The following CFAP97 variants were observed in gnomAD, a reference collection of about 807,000 sequenced individuals.
CFAP97 encodes cilia- and flagella-associated protein 97.
Under a neutral mutation model 43.1 loss-of-function variants are expected in CFAP97, and 36 were observed. The ratio of observed to expected loss-of-function variants is 0.84; its 90% CI spans 0.64 to 1.10. The LOEUF (loss-of-function observed/expected upper bound fraction) is 1.10. Among genes scored for constraint, CFAP97 ranks in the 50% least tolerant of loss-of-function variants. CFAP97 has a pLI of 0.00. For synonymous variants in CFAP97, 228 were observed against 225.7 expected (o/e 1.01, Z -0.09); for missense variants, 657 against 620.3 (o/e 1.06, Z -0.63).
upstream of CFAP97, chr4:185,204,041 T>C (rs1467289331): frequency 6.6e-6 from 1 of 150,478 alleles, no homozygotes; most frequent in African/African-American, 2.4e-5. Flanking sequence ...GCCCGGCGCT[T>C]CGGGAGAGGC....
At chr4:185,169,613 A>G in intron 3 of CFAP97, 2 of 981,348 alleles carry the variant, frequency 2.0e-6, no homozygotes, top group Non-Finnish European at 2.4e-6. Flanking sequence ...TTCTCTTTGG[A>G]AAAAAAATTA....
chr4:185,202,085 G>C (rs562899646), intron 1 of CFAP97, among the ~76,000 whole-genome samples: 2 of 152,036 alleles, frequency 1.3e-5, no homozygotes, highest in Non-Finnish European at 2.9e-5. Flanking sequence ...GGAGCTCCTC[G>C]TCACTTCCTC....
chr4:185,192,460 G>T (rs1012209196), intron 1 of CFAP97, among the ~76,000 whole-genome samples: 1 of 151,954 alleles, frequency 6.6e-6, no homozygotes, highest in South Asian at 2.1e-4. Flanking sequence ...ACTGATTTTT[G>T]TTTTTTTCCC....
chr4:185,192,046 A>G (rs1736282775), intron 1 of CFAP97, among the ~76,000 whole-genome samples: 1 of 152,208 alleles, frequency 6.6e-6, no homozygotes, highest in African/African-American at 2.4e-5. Flanking sequence ...TGCAGTGAGG[A>G]TTGACTGACA....
intron 2 of CFAP97, among the ~76,000 whole-genome samples, chr4:185,180,440 T>C (rs985748413): frequency 6.6e-6 from 1 of 152,162 alleles, no homozygotes; most frequent in African/African-American, 2.4e-5. Flanking sequence ...TCCCTTCCCT[T>C]CGCCTCTGGA....
At chr4:185,210,153 C>A, upstream of CFAP97, 1 of 984,100 alleles carries the variant, frequency 1.0e-6, no homozygotes, top group Non-Finnish European at 1.2e-6. The surrounding 1 kb of genome is among the most constrained non-coding windows in gnomAD (Gnocchi z 4.4). Flanking sequence ...TGCTGGGGAT[C>A]CTGTTTGCCC....
At chr4:185,196,765 T>C (rs1736563367) in intron 1 of CFAP97, among the ~76,000 whole-genome samples, 1 of 152,150 alleles carries the variant, frequency 6.6e-6, no homozygotes, top group Non-Finnish European at 1.5e-5. Context: ...TGCTAATAGA[T>C]TAAGGCCTCA....
At position 185,182,961 on chromosome 4, in the gene CFAP97, G is replaced by A. The variant is rs546005760; in HGVS notation, c.1055-6910C>T. ...CTAAAAATACAAAAATTAGCTGGGC[G>A]TGGTGGTGCCCGCCTGTAATCCCAG... On this transcript the variant is annotated intron_variant, in intron 2 of 4. Transcript: ENST00000458385. Among the ~76,000 whole-genome samples, 11 of 152,098 alleles carry A rather than the reference G, an allele frequency of 7.2e-5. No individual in the cohort carries two copies. The South Asian group carries it at 2.1e-3, about 29-fold the overall frequency.
chr4:185,173,277 C>T (rs887281662), intron 3 of CFAP97, among the ~76,000 whole-genome samples: 8 of 150,720 alleles, frequency 5.3e-5, no homozygotes, highest in African/African-American at 2.0e-4. Flanking sequence ...GCAGGAGAAT[C>T]GCTTGAACCT....
chr4:185,181,087 G>A (rs994587472), intron 2 of CFAP97, among the ~76,000 whole-genome samples: 1 of 151,590 alleles, frequency 6.6e-6, no homozygotes, highest in South Asian at 2.1e-4. Flanking sequence ...TGTCTCTGCA[G>A]ACTTTTGTCT....
intron 1 of CFAP97, among the ~76,000 whole-genome samples, chr4:185,193,655 A>G (rs1048385396): frequency 6.6e-6 from 1 of 152,224 alleles, no homozygotes; most frequent in Non-Finnish European, 1.5e-5. Context: ...TCTTAAAAAC[A>G]AAACAAAAAT....
chr4:185,168,210 A>G (rs761056368), intron 3 of CFAP97, among the ~76,000 whole-genome samples: 4 of 152,180 alleles, frequency 2.6e-5, no homozygotes, highest in East Asian at 1.9e-4. Context: ...TTAAAAAACA[A>G]TAAGAATGGT....
intron 2 of CFAP97, among the ~76,000 whole-genome samples, chr4:185,189,366 CTAGT>C (rs553116354): frequency 3.2e-4 from 48 of 152,316 alleles, no homozygotes; most frequent in South Asian, 1.2e-3. Flanking sequence ...TGCAATTTAT[CTAGT>C]TAAAGACTAA....
intron 2 of CFAP97, among the ~76,000 whole-genome samples, chr4:185,182,818 G>A (rs544237290): frequency 2.6e-5 from 4 of 152,204 alleles, no homozygotes; most frequent in South Asian, 2.1e-4. Flanking sequence ...ACAACAAACG[G>A]GCTGGGCGTG....
At position 185,191,143 on chromosome 4, in the gene CFAP97, G is replaced by A. The variant is rs1340337546; in HGVS notation, c.54C>T (p.Asp18=). 6.2e-7 allele frequency: 1 copy of A among 1,606,048 alleles called. No individual in the cohort carries two copies. The highest frequency in any genetic ancestry group is 1.3e-5 in the African/African-American group (1 of 74,504). ...ATTTCTTTCCTTCTTCAAAGTCACTGTCAAAGAAAGAATGGTCCACTTCAC... is the reference window on the plus strand; with the variant it reads ...ATTTCTTTCCTTCTTCAAAGTCACTATCAAAGAAAGAATGGTCCACTTCAC... ...LEGEVDHSFF[D]SDFEEGKKCE... The change falls in exon 2 of 5, where the codon GAC becomes GAT. Residue 18 remains aspartate, a synonymous_variant. Transcript: ENST00000458385.
At chr4:185,202,394 C>G (rs1736890238) in intron 1 of CFAP97, among the ~76,000 whole-genome samples, 1 of 152,066 alleles carries the variant, frequency 6.6e-6, no homozygotes, top group African/African-American at 2.4e-5. Flanking sequence ...ACAAAAAATA[C>G]AAAAATTAGC....
rs570875147 is a variant in CFAP97 at position 185,191,560 on chromosome 4, G to A, written c.-16-348C>T. On this transcript the variant is annotated intron_variant, in intron 1 of 4. Transcript: ENST00000458385. The stretch of plus-strand genomic sequence containing the variant: ...CAAAACAAAGAAAAAGGCCGGGCGC[G>A]GTGGCTCATGCCTGTAATCCCAGCA... Among the ~76,000 whole-genome samples the A allele has an allele frequency of 3.3e-5, 5 of 152,300 alleles. No individual in the cohort carries two copies. The East Asian group carries it at 5.8e-4, about 18-fold the overall frequency.
chr4:185,189,782 G>A (rs1054576391), intron 2 of CFAP97, among the ~76,000 whole-genome samples: 1 of 152,302 alleles, frequency 6.6e-6, no homozygotes, highest in East Asian at 1.9e-4. Flanking sequence ...GTTAACCTGA[G>A]CACTGCTGCC....
At position 185,176,041 on chromosome 4, in the gene CFAP97, T is replaced by C. The variant is rs1355639029; in HGVS notation, c.1065A>G (p.Gln355=). The change falls in exon 3 of 5, where the codon CAA becomes CAG. Residue 355 remains glutamine (Q), a synonymous_variant. Coordinates refer to ENST00000458385, the MANE Select transcript of CFAP97 (RefSeq NM_020827.3). The part of the protein sequence containing the change: ...DLNHLLKAFL[Q]LDKKGPQKHH... ...GTTTTTGTGGTCCTTTTTTATCTAA[T>C]TGCAGAAAAGCTACAGAAAAGAACA... 3.1e-6 allele frequency: 5 copies of C among 1,592,180 alleles called. No homozygotes were observed. Among genetic ancestry groups the C allele is most frequent in the East Asian group, 2.2e-5 (1 of 44,524 alleles).
Sources: allele counts gnomAD v4.1 joint callset (sites outside exome capture counted in the v4.1 genomes callset), GRCh38; gene constraint gnomAD v4.1.1; non-coding constraint Gnocchi (gnomAD v3.1); transcripts MANE v1.5; gene names NCBI Gene and HGNC (gene_info 2026-07-23, HGNC 2026-07-21).